Variants in TAF8 observed in about 807,000 individuals in gnomAD.
TAF8 encodes the protein TATA-box binding protein associated factor 8.
A neutral mutation model predicts 36.5 loss-of-function variants in TAF8; 47 were observed. The observed-to-expected ratio is 1.29, with a 90% CI of 1.02 to 1.64. TAF8 has a LOEUF of 1.64. Ranked by LOEUF, TAF8 falls within the 40% of genes most tolerant of loss-of-function variation. The probability of loss-of-function intolerance (pLI) is 0.00; values close to 1 mark genes in which losing one functional copy is unlikely to be tolerated. For synonymous variants in TAF8, 175 were observed against 159.5 expected (o/e 1.10, Z -0.73); for missense variants, 420 against 407.6 (o/e 1.03, Z -0.26).
chr6:42,055,132 C>G (rs538609092), intron 2 of TAF8, among the ~76,000 whole-genome samples: 1 of 152,178 alleles, frequency 6.6e-6, no homozygotes, highest in East Asian at 1.9e-4. Context: ...CCATGTTGGT[C>G]AGGTTGGTCT....
At chr6:42,083,417 A>G (rs1034858598), downstream of TAF8, 2 of 152,182 alleles carry the variant, frequency 1.3e-5, no homozygotes, top group African/African-American at 4.8e-5. Context: ...ATGGGTGTCC[A>G]TTGAATCTGG....
intron 7 of TAF8, among the ~76,000 whole-genome samples, chr6:42,074,428 C>T (rs1007756112): frequency 6.6e-6 from 1 of 152,176 alleles, no homozygotes; most frequent in Non-Finnish European, 1.5e-5. Flanking sequence ...GATGCAGTCA[C>T]CACAGAGGGT....
downstream of TAF8, among the ~76,000 whole-genome samples, chr6:42,084,383 C>CTAAT: frequency 6.6e-6 from 1 of 152,100 alleles, no homozygotes; most frequent in Non-Finnish European, 1.5e-5. Flanking sequence ...TCATGATATC[C>CTAAT]TAATGAGGTT....
chr6:42,064,447 G>T (rs1016458364), intron 5 of TAF8, among the ~76,000 whole-genome samples: 3 of 151,988 alleles, frequency 2.0e-5, no homozygotes, highest in African/African-American at 7.3e-5. Context: ...TAGAGACCGG[G>T]TGTTACCATG....
At position 42,080,014 on chromosome 6, in the gene TAF8, T is replaced by C. The variant is rs1294147117; in HGVS notation, c.*2469T>C. The C allele has an allele frequency of 1.4e-5, 14 of 984,682 alleles. No individual in the cohort carries two copies. The highest frequency in any genetic ancestry group is 6.0e-6 in the Non-Finnish European group (5 of 829,590). 61.0% of individuals were successfully genotyped at this position (984,682 alleles called of 1,614,324 possible). A position where few individuals can be genotyped will look rare whatever the true frequency, so the allele number is the denominator to read the frequency against. ...CGCTAGTAAAAAAAAAAAAATTGGA[T>C]TCCCCAACTGGACTAAATAGGAGTT... On this transcript the variant is annotated 3_prime_UTR_variant, in exon 9 of 9. Coordinates refer to ENST00000372977, the MANE Select transcript of TAF8 (RefSeq NM_138572.3).
rs759506304 is a variant in TAF8, at chr6:42,051,405, GC to G, written c.97del (p.Arg33GlyfsTer9). ...TAACCCTGCCGATAACTATCATCTG[GC>G]CCGGAGGAGAACCCTGCAGGTGGTT... ...STNPADNYHL[A>X]RRRTLQVVVS... is the part of the protein sequence containing the mutation. On this transcript the variant is annotated frameshift_variant, in exon 2 of 9. Transcript: ENST00000372977. LOFTEE classifies it high-confidence loss of function. The G allele has an allele frequency of 6.2e-7, 1 of 1,614,110 alleles. No homozygotes were observed. Among genetic ancestry groups the G allele is most frequent in the African/African-American group, 1.3e-5 (1 of 75,020 alleles).
At chr6:42,073,653 C>G (rs367745964) in intron 7 of TAF8, among the ~76,000 whole-genome samples, 31 of 152,038 alleles carry the variant, frequency 2.0e-4, no homozygotes, top group African/African-American at 6.8e-4. Flanking sequence ...AGTGCAAAGG[C>G]CCTGTGGAAT....
chr6:42,053,480 G>A (rs964792673), intron 2 of TAF8, among the ~76,000 whole-genome samples: 1 of 151,056 alleles, frequency 6.6e-6, no homozygotes, highest in Non-Finnish European at 1.5e-5. Flanking sequence ...CAGGAGAATC[G>A]CTTGAACCCA....
chr6:42,072,176 T>C (rs970462741), intron 7 of TAF8, among the ~76,000 whole-genome samples: 1 of 152,258 alleles, frequency 6.6e-6, no homozygotes, highest in African/African-American at 2.4e-5. Context: ...GCCTGGCATG[T>C]GGCAGCTCCT....
intron 4 of TAF8, among the ~76,000 whole-genome samples, chr6:42,056,642 G>T (rs1318018299): frequency 6.6e-6 from 1 of 152,050 alleles, no homozygotes; most frequent in Non-Finnish European, 1.5e-5. Context: ...TCGCTCTGTT[G>T]CCCAGGCTGG....
intron 8 of TAF8, 90 bp from the exon 9 acceptor site, chr6:42,077,443 C>G: frequency 6.3e-7 from 1 of 1,578,644 alleles, no homozygotes; most frequent in Non-Finnish European, 8.6e-7. Flanking sequence ...AGTCTAGGGA[C>G]CAACCCTCAC....
intron 2 of TAF8, among the ~76,000 whole-genome samples, chr6:42,052,597 C>T (rs1454782048): frequency 1.1e-4 from 16 of 152,200 alleles, no homozygotes; most frequent in Admixed American, 1.0e-3. Flanking sequence ...GCTGGGATTA[C>T]AGGCATGAGC....
At chr6:42,050,741 G>T in intron 1 of TAF8, 155 bp downstream of exon 1, 1 of 1,051,484 alleles carries the variant, frequency 9.5e-7, no homozygotes, top group South Asian at 1.8e-5. Context: ...CCCCTCCTTG[G>T]GACTTGGCTG....
intron 8 of TAF8, 138 bp from the exon 9 acceptor site, chr6:42,077,395 G>A (rs758544704): frequency 3.2e-5 from 49 of 1,529,954 alleles, no homozygotes; most frequent in East Asian, 7.2e-5. Flanking sequence ...CTTGGCTCCC[G>A]TACATAGCTC....
At chr6:42,074,902 C>A (rs551575868) in intron 7 of TAF8, among the ~76,000 whole-genome samples, 1 of 151,580 alleles carries the variant, frequency 6.6e-6, no homozygotes, top group East Asian at 1.9e-4. Flanking sequence ...GCTGCCTGTC[C>A]CTGAAGGGGA....
At position 42,053,311 on chromosome 6, in the gene TAF8, C is replaced by A. The variant is rs571386031; in HGVS notation, c.202+1798C>A. ...GGTGTGGTGGCTCACGCCTGTAATCCCAGCACTTTGGGAGGCCGAGGCGGG... is the reference window on the plus strand; with the variant it reads ...GGTGTGGTGGCTCACGCCTGTAATCACAGCACTTTGGGAGGCCGAGGCGGG... On this transcript the variant is annotated intron_variant, in intron 2 of 8. Transcript: ENST00000372977. 2.6e-5 allele frequency among the ~76,000 whole-genome samples: 4 copies of A among 152,132 alleles called. No homozygotes were observed. In the East Asian group the frequency reaches 7.7e-4, roughly 29 times the overall value.
chr6:42,057,788 A>G (rs1416320348), intron 5 of TAF8: 1 of 381,096 alleles, frequency 2.6e-6, no homozygotes, highest in Non-Finnish European at 4.6e-6. Context: ...AAAAAAAAAG[A>G]ATTCAGATTA....
intron 3 of TAF8, 50 bp from the exon 4 acceptor site, chr6:42,055,902 A>G (rs1387564470): frequency 8.2e-7 from 1 of 1,220,566 alleles, no homozygotes; most frequent in African/African-American, 1.5e-5. Flanking sequence ...TTCTTTCTGT[A>G]TTCAATATCC....
At chr6:42,076,651 G>T (rs1281398633) in intron 7 of TAF8, among the ~76,000 whole-genome samples, 1 of 152,180 alleles carries the variant, frequency 6.6e-6, no homozygotes, top group Non-Finnish European at 1.5e-5. Context: ...AATCTGTTCT[G>T]ACTTAGTCTA....
Sources: allele counts gnomAD v4.1 joint callset (sites outside exome capture counted in the v4.1 genomes callset), GRCh38; gene constraint gnomAD v4.1.1; transcripts MANE v1.5; gene names NCBI Gene and HGNC (gene_info 2026-07-23, HGNC 2026-07-21).